PSMD9: variants seen among roughly 807,000 people sequenced by gnomAD.
PSMD9 encodes the protein proteasome 26S subunit, non-ATPase 9.
A neutral mutation model predicts 25.9 loss-of-function variants in PSMD9; 26 were observed. The observed-to-expected ratio is 1.00, with a 90% CI of 0.73 to 1.39. The LOEUF (loss-of-function observed/expected upper bound fraction) is 1.39, where lower values mean the gene tolerates loss of function less well. PSMD9 is among the 40% of genes most tolerant of loss of function. The probability of loss-of-function intolerance (pLI) is 0.00; values close to 1 mark genes in which losing one functional copy is unlikely to be tolerated. For synonymous variants in PSMD9, 110 were observed against 114.5 expected (o/e 0.96, Z 0.25); for missense variants, 303 against 299.3 (o/e 1.01, Z -0.09).
chr12:121,895,029 A>ATT (rs1300712836), intron 2 of PSMD9, among the ~76,000 whole-genome samples, 188 bp downstream of exon 2: 3 of 150,344 alleles, frequency 2.0e-5, no homozygotes, highest in East Asian at 3.9e-4. Context: ...TTCTGGTTTC[A>ATT]TTTTCTCTCT....
At chr12:121,906,872 A>G (rs1879573322) in intron 4 of PSMD9, among the ~76,000 whole-genome samples, 2 of 148,928 alleles carry the variant, frequency 1.3e-5, no homozygotes, top group Non-Finnish European at 3.0e-5. Flanking sequence ...AGGCCGAGGC[A>G]GGAGAATTGC....
At chr12:121,898,159 G>A (rs1381456498) in intron 2 of PSMD9, 1 of 152,124 alleles carries the variant, frequency 6.6e-6, no homozygotes, top group Non-Finnish European at 1.5e-5. Context: ...TGTGGGTTGA[G>A]AACTTGAATC....
rs1212392896 is a variant in PSMD9, at chr12:121,891,609, GA to G, written c.138+2629del. Among the ~76,000 whole-genome samples, 921 of 92,890 alleles carry G rather than the reference GA, an allele frequency of 9.9e-3. 5 individuals are homozygous for G. Among genetic ancestry groups the G allele is most frequent in the Non-Finnish European group, 0.013 (558 of 43,658 alleles). The allele number at this position is 92,890 out of a possible 152,430, so 60.9% of individuals were successfully genotyped here. A position where few individuals can be genotyped will look rare whatever the true frequency, so the allele number is the denominator to read the frequency against. On this transcript the variant is annotated intron_variant, in intron 1 of 5. Coordinates refer to ENST00000541212, the MANE Select transcript of PSMD9 (RefSeq NM_002813.7). ...AGCGAGACTCCGTCTCAAGAAAAAA[GA>G]AAAAAAAAAAAAAGACTGGGCATGG... is the stretch of plus-strand genomic sequence containing the variant.
At chr12:121,889,713 G>A (rs1000430211) in intron 1 of PSMD9, among the ~76,000 whole-genome samples, 1 of 152,122 alleles carries the variant, frequency 6.6e-6, no homozygotes, top group African/African-American at 2.4e-5. Context: ...ATTGCATAAG[G>A]AGGAAACTGA....
chr12:121,895,083 C>T (rs1338070781), intron 2 of PSMD9, among the ~76,000 whole-genome samples: 1 of 151,542 alleles, frequency 6.6e-6, no homozygotes, highest in Non-Finnish European at 1.5e-5. Flanking sequence ...CTTGCTCTGT[C>T]TTCCAGGCTG....
Position 121,903,049 on chromosome 12 carries a change from A to G in PSMD9, c.497A>G (p.Asn166Ser), listed in dbSNP as rs149556654. 2,454 of 1,613,986 alleles carry G rather than the reference A, an allele frequency of 1.5e-3. 7 individuals are homozygous for G. The highest frequency in any genetic ancestry group is 2.1e-3 in the South Asian group (187 of 91,060). The change falls in exon 4 of 6, where the codon AAC becomes AGC. Residue 166 changes from asparagine to serine, a missense_variant. Coordinates refer to ENST00000541212, the MANE Select transcript of PSMD9 (RefSeq NM_002813.7). The stretch of plus-strand genomic sequence containing the variant: ...GAGATTGTGGAGTTCGGCTCTGTGA[A>G]CACCCAGAACTTCCAGTCACTGCAT... ...DDEIVEFGSV[N>S]TQNFQSLHNI... is the part of the protein sequence containing the mutation.
chr12:121,916,221 A>G (rs993063598), intron 5 of PSMD9, 63 bp from the exon 6 acceptor site: 8 of 1,584,692 alleles, frequency 5.0e-6, no homozygotes, highest in African/African-American at 4.0e-5. Context: ...AGAAGGGCTC[A>G]GCCTCTGACC....
At chr12:121,903,682 C>T (rs1324120607) in intron 4 of PSMD9, among the ~76,000 whole-genome samples, 2 of 151,916 alleles carry the variant, frequency 1.3e-5, no homozygotes, top group Admixed American at 6.6e-5. Context: ...TCCTGGCTAC[C>T]CTAACCCAAA....
intron 1 of PSMD9, among the ~76,000 whole-genome samples, chr12:121,891,631 C>T (rs1344886577): frequency 1.4e-5 from 2 of 148,136 alleles, no homozygotes; most frequent in Non-Finnish European, 3.0e-5. Flanking sequence ...AAAGACTGGG[C>T]ATGGTGGCTC....
chr12:121,916,072 A>G, intron 5 of PSMD9, 128 bp downstream of exon 5: 1 of 1,193,064 alleles, frequency 8.4e-7, no homozygotes, highest in Non-Finnish European at 1.2e-6. Flanking sequence ...TGGAAACTGC[A>G]GATAAATCCT....
intron 3 of PSMD9, chr12:121,902,045 T>C (rs1475699327): frequency 6.6e-6 from 1 of 152,222 alleles, no homozygotes; most frequent in African/African-American, 2.4e-5. Context: ...TATTTATCCA[T>C]TTGTCAGTTA....
intron 4 of PSMD9, among the ~76,000 whole-genome samples, chr12:121,903,521 G>A (rs1399141377): frequency 6.6e-6 from 1 of 152,162 alleles, no homozygotes; most frequent in Non-Finnish European, 1.5e-5. Flanking sequence ...GTTACTGGAA[G>A]TGTTGCTGAG....
intron 4 of PSMD9, among the ~76,000 whole-genome samples, chr12:121,905,417 G>A (rs1196062641): frequency 6.6e-6 from 1 of 150,406 alleles, no homozygotes; most frequent in African/African-American, 2.5e-5. Flanking sequence ...GTAGAGATGG[G>A]GTTTCACTGT....
In PSMD9 at chr12:121,899,718, C is replaced by T. The variant is rs373590240; in HGVS notation, c.326C>T (p.Ala109Val). ...CACGCTCGCGACAAGGAGAAGCAGG[C>T]CCGGGACATGGCTGAGGCCCACAAA... ...QLHARDKEKQARDMAEAHKEA... is the reference protein window; with the variant it reads ...QLHARDKEKQVRDMAEAHKEA... The change falls in exon 3 of 6, where the codon GCC becomes GTC. Residue 109 changes from alanine to valine, a missense_variant. Coordinates refer to ENST00000541212, the MANE Select transcript of PSMD9 (RefSeq NM_002813.7). 1.4e-5 allele frequency: 22 copies of T among 1,614,014 alleles called. No individual in the cohort carries two copies. The African/African-American group carries it at 2.5e-4, about 19-fold the overall frequency.
intron 2 of PSMD9, among the ~76,000 whole-genome samples, chr12:121,895,415 C>T (rs1329213035): frequency 6.6e-6 from 1 of 152,140 alleles, no homozygotes; most frequent in African/African-American, 2.4e-5. Flanking sequence ...AAAGAGCTAG[C>T]AGAGAGTACA....
chr12:121,899,557 C>T, intron 2 of PSMD9, 77 bp from the exon 3 acceptor site: 1 of 1,357,574 alleles, frequency 7.4e-7, no homozygotes, highest in South Asian at 1.4e-5. Flanking sequence ...CACTTGTTAA[C>T]TCTTCAGTGA....
At chr12:121,903,228 G>A in intron 4 of PSMD9, 121 bp downstream of exon 4, 1 of 896,014 alleles carries the variant, frequency 1.1e-6, no homozygotes, top group East Asian at 2.7e-5. Flanking sequence ...GGAAGTCCAA[G>A]ATCCAGGCAC....
chr12:121,915,717 C>A, intron 4 of PSMD9, 139 bp from the exon 5 acceptor site: 1 of 756,824 alleles, frequency 1.3e-6, no homozygotes, highest in Non-Finnish European at 2.2e-6. Flanking sequence ...CGTTCCCCAC[C>A]CTCTCGCCAA....
chr12:121,909,287 G>GT (rs1389415066), intron 4 of PSMD9, among the ~76,000 whole-genome samples: 3 of 151,732 alleles, frequency 2.0e-5, no homozygotes, highest in African/African-American at 7.3e-5. Context: ...GTTTCCACAC[G>GT]TGGGTGCATG....
Sources: gnomAD v4.1 joint callset for allele counts (sites outside exome capture counted in the v4.1 genomes callset) on GRCh38, gnomAD v4.1.1 for gene constraint, MANE v1.5 for transcripts, NCBI Gene and HGNC (gene_info 2026-07-23, HGNC 2026-07-21) for gene names.